STARD8: variants seen among roughly 807,000 people sequenced by gnomAD.
STARD8 encodes the protein StAR related lipid transfer domain containing 8.
A neutral mutation model predicts 69.4 loss-of-function variants in STARD8; 25 were observed. The observed-to-expected ratio is 0.36, with a 90% CI of 0.26 to 0.50. STARD8 has a LOEUF of 0.50. Among genes scored for constraint, STARD8 ranks in the 20% least tolerant of loss-of-function variants. The probability of loss-of-function intolerance (pLI) is 0.96; values close to 1 mark genes in which losing one functional copy is unlikely to be tolerated. For missense variants in STARD8, 921 were observed against 932.5 expected, an observed-to-expected ratio of 0.99 and a Z score of 0.16; for synonymous variants, 389 against 374.6, an observed-to-expected ratio of 1.04 and a Z score of -0.45.
intron 1 of STARD8, among the ~76,000 whole-genome samples, chrX:68,649,352 A>G (rs1405825652): frequency 9.1e-6 from 1 of 109,977 alleles, no homozygotes; most frequent in Non-Finnish European, 1.9e-5. Context: ...GCTCAAATGT[A>G]GGGTTAGAGA....
rs1190344245 is a variant in STARD8 at position 68,721,129 on chromosome X, C to T, written c.2248+7C>T. On this transcript the variant is annotated splice_region_variant and intron_variant, in intron 9 of 14. Coordinates refer to ENST00000374599, the MANE Select transcript of STARD8 (RefSeq NM_001142503.3). Reference sequence around the variant, plus strand: ...TTCCTCCAGATCTACCAGCGTGAGTCGCCCACTCCTATCCCCAACAACCTG... The same window carrying T: ...TTCCTCCAGATCTACCAGCGTGAGTTGCCCACTCCTATCCCCAACAACCTG... The T allele has an allele frequency of 3.3e-6, 4 of 1,209,958 alleles. No individual in the cohort carries two copies. Among genetic ancestry groups the T allele is most frequent in the South Asian group, 1.8e-5 (1 of 56,856 alleles).
intron 1 of STARD8, among the ~76,000 whole-genome samples, chrX:68,653,374 C>T (rs751969778): frequency 6.8e-4 from 36 of 53,285 alleles, no homozygotes; most frequent in African/African-American, 2.6e-3. Flanking sequence ...CAAACGCACA[C>T]CACACCACAC....
At chrX:68,700,690 A>G (rs2079960091) in intron 2 of STARD8, among the ~76,000 whole-genome samples, 1 of 112,078 alleles carries the variant, frequency 8.9e-6, no homozygotes, top group African/African-American at 3.2e-5. Flanking sequence ...GTCCCCAAAC[A>G]TCTGTCCTGA....
chrX:68,720,975 C>A lies in STARD8; in HGVS notation c.2101C>A (p.Gln701Lys). 1 of 1,211,761 alleles carries A rather than the reference C, an allele frequency of 8.3e-7. No individual in the cohort carries two copies. The highest frequency in any genetic ancestry group is 1.1e-6 in the Non-Finnish European group (1 of 895,523). Reference sequence around the variant, plus strand: ...CAAGTCCAGGATCCAGAACCTGCGTCAAATGAATGAGACCTCGCCTGACAA... The same window carrying A: ...CAAGTCCAGGATCCAGAACCTGCGTAAAATGAATGAGACCTCGCCTGACAA... ...GVKSRIQNLRQMNETSPDNVC... is the reference protein window; with the variant it reads ...GVKSRIQNLRKMNETSPDNVC... Residue 701 changes from glutamine (Q) to lysine (K), a missense_variant, in exon 9 of 15, where the codon CAA becomes AAA. Coordinates refer to ENST00000374599, the MANE Select transcript of STARD8 (RefSeq NM_001142503.3).
At chrX:68,669,637 G>A (rs1170631104) in intron 2 of STARD8, among the ~76,000 whole-genome samples, 2 of 111,677 alleles carry the variant, frequency 1.8e-5, no homozygotes, top group African/African-American at 6.5e-5. Flanking sequence ...GTGGCCTGGT[G>A]GGGTAATAGT....
intron 2 of STARD8, among the ~76,000 whole-genome samples, chrX:68,671,133 C>A (rs2147885446): frequency 8.9e-6 from 1 of 112,796 alleles, no homozygotes; most frequent in African/African-American, 3.2e-5. Flanking sequence ...CAAAGTCCAA[C>A]TTCTTTGCTC....
At position 68,722,571 on chromosome X, in the gene STARD8, G is replaced by A; in HGVS notation, c.2724G>A (p.Leu908=). 4 of 1,212,056 alleles carry A rather than the reference G, an allele frequency of 3.3e-6. No homozygotes were observed. Among genetic ancestry groups the A allele is most frequent in the Non-Finnish European group, 3.3e-6 (3 of 895,648 alleles). Residue 908 remains leucine, a synonymous_variant, in exon 12 of 15, where the codon CTG becomes CTA. Coordinates refer to ENST00000374599, the MANE Select transcript of STARD8 (RefSeq NM_001142503.3). ...LYMEENIQDL[L]RDAAERFKGW... ...TGGAAGAGAATATCCAGGACCTGCT[G>A]CGTGATGCTGCTGAGCGCTTCAAGG...
intron 2 of STARD8, among the ~76,000 whole-genome samples, chrX:68,697,592 G>C (rs947268639): frequency 1.8e-5 from 2 of 112,687 alleles, no homozygotes; most frequent in African/African-American, 6.4e-5. Flanking sequence ...TGGCCCCTGA[G>C]GCCAGTTCAG....
chrX:68,665,577 G>A, intron 2 of STARD8, 45 bp downstream of exon 2: 2 of 1,180,007 alleles, frequency 1.7e-6, no homozygotes, highest in Non-Finnish European at 2.3e-6. Flanking sequence ...CAAAGAGACT[G>A]AGCTTCTCAG....
chrX:68,653,416 A>C (rs1602536647), intron 1 of STARD8, among the ~76,000 whole-genome samples: 1 of 51,155 alleles, frequency 2.0e-5, no homozygotes, highest in East Asian at 7.5e-4. Context: ...CACACACCAC[A>C]CCACACACAC....
intron 2 of STARD8, among the ~76,000 whole-genome samples, chrX:68,674,005 A>G (rs1486450815): frequency 8.9e-6 from 1 of 111,760 alleles, no homozygotes; most frequent in East Asian, 2.8e-4. Flanking sequence ...AAAAATTCAC[A>G]TGAATTACCT....
In STARD8 at chrX:68,718,261, T is replaced by C. The variant is rs760347120; in HGVS notation, c.1347T>C (p.His449=). The part of the protein sequence containing the change: ...EALSQMEVPA[H]GESPAWAQAE... ...TCAGCCAGATGGAGGTTCCGGCCCA[T>C]GGAGAGTCCCCAGCCTGGGCCCAGG... The change falls in exon 6 of 15, where the codon CAT becomes CAC. Residue 449 remains histidine, a synonymous_variant. Coordinates refer to ENST00000374599, the MANE Select transcript of STARD8 (RefSeq NM_001142503.3). 2 of 1,211,080 alleles carry C rather than the reference T, an allele frequency of 1.7e-6. No homozygotes were observed. Among genetic ancestry groups the C allele is most frequent in the Admixed American group, 4.3e-5 (2 of 46,045 alleles).
intron 1 of STARD8, among the ~76,000 whole-genome samples, chrX:68,657,107 A>G (rs2079616020): frequency 8.9e-6 from 1 of 112,325 alleles, no homozygotes; most frequent in African/African-American, 3.2e-5. Flanking sequence ...TATGAAGCTC[A>G]AATGAGTTAA....
intron 2 of STARD8, among the ~76,000 whole-genome samples, chrX:68,688,838 A>C: frequency 1.4e-5 from 1 of 73,491 alleles, no homozygotes; most frequent in African/African-American, 5.2e-5. Context: ...CCATCATGCC[A>C]CCCCCACCCC....
intron 2 of STARD8, among the ~76,000 whole-genome samples, chrX:68,679,008 G>C (rs1251758619): frequency 8.9e-6 from 1 of 111,733 alleles, no homozygotes; most frequent in African/African-American, 3.3e-5. Flanking sequence ...TTTGAACAAT[G>C]CCTGGCACAT....
intron 2 of STARD8, among the ~76,000 whole-genome samples, chrX:68,674,087 A>T (rs1243406757): frequency 9.0e-6 from 1 of 111,267 alleles, no homozygotes; most frequent in Non-Finnish European, 1.9e-5. Context: ...TGAAGTCAGG[A>T]GTTCGAGACC....
intron 1 of STARD8, among the ~76,000 whole-genome samples, chrX:68,662,693 A>G (rs5980821): frequency 0.1 from 11,100 of 111,235 alleles, 1,256 homozygotes; most frequent in African/African-American, 0.33. Flanking sequence ...TGTCTTCTTG[A>G]TGAACAACTG....
At chrX:68,701,914 C>T (rs1259648519) in intron 2 of STARD8, among the ~76,000 whole-genome samples, 1 of 111,807 alleles carries the variant, frequency 8.9e-6, no homozygotes, top group Non-Finnish European at 1.9e-5. Context: ...GTGTCCCATG[C>T]TAGAATTGGG....
intron 2 of STARD8, among the ~76,000 whole-genome samples, chrX:68,709,413 A>G (rs371995668): frequency 1.8e-5 from 2 of 112,281 alleles, no homozygotes; most frequent in African/African-American, 6.5e-5. Flanking sequence ...GACCCTTCAG[A>G]GTCAGAGTTG....
Sources: allele counts gnomAD v4.1 joint callset (sites outside exome capture counted in the v4.1 genomes callset), GRCh38; gene constraint gnomAD v4.1.1; transcripts MANE v1.5; gene names NCBI Gene and HGNC (gene_info 2026-07-23, HGNC 2026-07-21).